The following SPEN variants were observed in gnomAD, a reference collection of about 807,000 sequenced individuals.
SPEN encodes spen family transcriptional repressor.
In SPEN, 18 loss-of-function variants were observed where a neutral mutation model predicts 269.9. That is an observed-to-expected ratio of 0.07 (90% CI 0.05 to 0.10). The LOEUF (loss-of-function observed/expected upper bound fraction) is 0.10, where lower values mean the gene tolerates loss of function less well. Among genes scored for constraint, SPEN ranks in the 10% least tolerant of loss-of-function variants. The probability of loss-of-function intolerance (pLI) is 1.00; values close to 1 mark genes in which losing one functional copy is unlikely to be tolerated. For missense variants in SPEN, 3,822 were observed against 4,631.2 expected (o/e 0.83, Z 5.07); for synonymous variants, 1,726 against 1,765.7 (o/e 0.98, Z 0.56).
chr1:15,864,431 A>C (rs978500121), intron 1 of SPEN, among the ~76,000 whole-genome samples: 2 of 150,118 alleles, frequency 1.3e-5, no homozygotes, highest in Non-Finnish European at 1.5e-5. Context: ...TGGCTTCCCA[A>C]AGTGTTGGGA....
Position 15,933,458 on chromosome 1 carries a change from C to T in SPEN, c.7218C>T (p.Pro2406=). 6.2e-7 allele frequency: 1 copy of T among 1,614,152 alleles called. No individual in the cohort carries two copies. Among genetic ancestry groups the T allele is most frequent in the South Asian group, 1.1e-5 (1 of 91,080 alleles). Residue 2406 remains proline, a synonymous_variant, in exon 11 of 15, where the codon CCC becomes CCT. Transcript: ENST00000375759. The surrounding 1 kb of genome is among the most constrained non-coding windows in gnomAD (Gnocchi z 5.7). ...GTACTTCTGACCTAAGCAAGATTCC[C>T]TCCACAGAGAATTCGTCCCAAGAAA... is the stretch of plus-strand genomic sequence containing the variant. ...QSCTSDLSKI[P]STENSSQEIS...
At position 15,848,097 on chromosome 1, in the gene SPEN, G is replaced by A; in HGVS notation, c.30G>A (p.Val10=). Residue 10 remains valine (V), a synonymous_variant, in exon 1 of 15, where the codon GTG becomes GTA. Coordinates refer to ENST00000375759, the MANE Select transcript of SPEN (RefSeq NM_015001.3). The surrounding 1 kb of genome is among the most constrained non-coding windows in gnomAD (Gnocchi z 5.1). The part of the protein sequence containing the change: MVRETRHLW[V]GNLPENVREE... ...TCCGGGAAACCAGGCATCTCTGGGT[G>A]GGCAACTTACCCGAGAACGTGCGGG... is the stretch of plus-strand genomic sequence containing the variant. 3 of 1,487,696 alleles carry A rather than the reference G, an allele frequency of 2.0e-6. No homozygotes were observed. Among genetic ancestry groups the A allele is most frequent in the South Asian group, 1.3e-5 (1 of 78,308 alleles). The allele number at this position is 1,487,696 out of a possible 1,614,324, so 92.2% of individuals were successfully genotyped here.
chr1:15,917,180 A>G (rs2071074586), intron 6 of SPEN, among the ~76,000 whole-genome samples: 1 of 152,212 alleles, frequency 6.6e-6, no homozygotes, highest in Non-Finnish European at 1.5e-5. Flanking sequence ...CACAGTGCAC[A>G]TCAGAAATAC....
Position 15,933,981 on chromosome 1 carries a change from C to G in SPEN, c.7741C>G (p.Pro2581Ala), listed in dbSNP as rs770779171. Residue 2581 changes from proline to alanine, a missense_variant, in exon 11 of 15, where the codon CCT (proline) becomes GCT (alanine). Coordinates refer to ENST00000375759, the MANE Select transcript of SPEN (RefSeq NM_015001.3). This position sits in a 1 kb window ranked among gnomAD's most constrained non-coding sequence, Gnocchi z 5.7. ...APPPPVDSKKPLEEKTAPPVT... is the reference protein window; with the variant it reads ...APPPPVDSKKALEEKTAPPVT... ...GCCCCCGCCAGTTGACTCTAAAAAG[C>G]CTTTAGAAGAAAAAACAGCACCTCC... 15 of 1,613,862 alleles carry G rather than the reference C, an allele frequency of 9.3e-6. No individual in the cohort carries two copies. The highest frequency in any genetic ancestry group is 6.6e-5 in the South Asian group (6 of 91,078).
In SPEN at chr1:15,922,341, C is replaced by T. The variant is rs761461973; in HGVS notation, c.1842C>T (p.Ala614=). The change falls in exon 10 of 15, where the codon GCC becomes GCT. Residue 614 remains alanine (A), a synonymous_variant. Coordinates refer to ENST00000375759, the MANE Select transcript of SPEN (RefSeq NM_015001.3). ...QDIRDFYEML[A]ERREERRASY... is the part of the protein sequence containing the mutation. ...TCAGAGACTTTTATGAAATGTTAGC[C>T]GAAAGAAGGTATGTATTTTAAACTT... 38 of 1,600,318 alleles carry T rather than the reference C, an allele frequency of 2.4e-5. No homozygotes were observed. The highest frequency in any genetic ancestry group is 1.1e-4 in the Admixed American group (6 of 56,662).
In SPEN at chr1:15,859,267, C is replaced by T. The variant is rs544595199; in HGVS notation, c.83+11117C>T. On this transcript the variant is annotated intron_variant, in intron 1 of 14. Coordinates refer to ENST00000375759, the MANE Select transcript of SPEN (RefSeq NM_015001.3). ...AACTTTTGGCTTCAAGCAATATTTC[C>T]GCCTCAACCTGCCAAGTATGTAGGA... Among the ~76,000 whole-genome samples, 125 of 151,210 alleles carry T rather than the reference C, an allele frequency of 8.3e-4. 1 individual carries two copies. The highest frequency in any genetic ancestry group is 7.5e-3 in the South Asian group (36 of 4,812).
At chr1:15,874,517 T>C in intron 2 of SPEN, 1 of 678,376 alleles carries the variant, frequency 1.5e-6, no homozygotes. Flanking sequence ...AGCCATTAGA[T>C]TTCAGCTCTG....
intron 5 of SPEN, 119 bp downstream of exon 5, chr1:15,911,420 A>G: frequency 1.3e-6 from 1 of 743,274 alleles, no homozygotes; most frequent in Non-Finnish European, 2.3e-6. Context: ...ATTTATTGAC[A>G]TATTTCCATT....
rs764320675 is a variant in SPEN, at chr1:15,876,203, G to A, written c.406G>A (p.Ala136Thr). ...EGRYERRLDG[A>T]SDNRERAYEH... ...TATTTTTCCCCCTCCTAAATGCAGG[G>A]CTTCAGATAACAGGGAGCGTGCTTA... Residue 136 changes from alanine (A) to threonine (T), a missense_variant and splice_region_variant, in exon 3 of 15, where the codon GCT (alanine) becomes ACT (threonine). Ala to Thr is a moderately conservative substitution (Grantham distance 58). Around this residue, in one of 16 missense-constraint regions of SPEN, gnomAD observed 327 missense variants for 350.8 expected, o/e 0.93. Transcript: ENST00000375759. The A allele has an allele frequency of 1.2e-6, 2 of 1,606,946 alleles. No individual in the cohort carries two copies. The highest frequency in any genetic ancestry group is 2.7e-5 in the African/African-American group (2 of 74,732).
intron 3 of SPEN, among the ~76,000 whole-genome samples, chr1:15,891,164 T>C (rs551839465): frequency 2.0e-5 from 3 of 152,256 alleles, no homozygotes; most frequent in African/African-American, 7.2e-5. Flanking sequence ...CACTTAGAGG[T>C]TTAGCACATT....
At chr1:15,901,856 T>G (rs2070904292) in intron 3 of SPEN, among the ~76,000 whole-genome samples, 1 of 151,862 alleles carries the variant, frequency 6.6e-6, no homozygotes, top group South Asian at 2.1e-4. Context: ...AAATTTAAAC[T>G]TTAAAATTTT....
intron 3 of SPEN, among the ~76,000 whole-genome samples, chr1:15,879,020 A>AAAG (rs1397431118): frequency 4.7e-5 from 7 of 150,310 alleles, no homozygotes; most frequent in Non-Finnish European, 3.0e-5. Context: ...AAAAAAAAAA[A>AAAG]AAAAGAAAAG....
intron 1 of SPEN, among the ~76,000 whole-genome samples, chr1:15,859,057 T>G (rs2070415061): frequency 6.6e-6 from 1 of 152,220 alleles, no homozygotes; most frequent in Non-Finnish European, 1.5e-5. Context: ...GCTATGTTCT[T>G]CAGTCAAACA....
intron 3 of SPEN, among the ~76,000 whole-genome samples, chr1:15,882,631 G>A (rs1453363190): frequency 6.6e-6 from 1 of 152,202 alleles, no homozygotes; most frequent in Non-Finnish European, 1.5e-5. Flanking sequence ...CTGCACTCCA[G>A]CCTGGGCAAC....
chr1:15,891,051 A>C (rs1242219026), intron 3 of SPEN, among the ~76,000 whole-genome samples: 1 of 152,202 alleles, frequency 6.6e-6, no homozygotes, highest in Non-Finnish European at 1.5e-5. Flanking sequence ...AAACCAGCAT[A>C]TCATCCTTCA....
Position 15,856,097 on chromosome 1 carries a change from A to G in SPEN, c.83+7947A>G, listed in dbSNP as rs559913849. ...AAGCTCCACCTCCTGGGTTCACACC[A>G]TTCTGCGTCAGCCTCCCAAATAGCT... is the stretch of plus-strand genomic sequence containing the variant. On this transcript the variant is annotated intron_variant, in intron 1 of 14. Coordinates refer to ENST00000375759, the MANE Select transcript of SPEN (RefSeq NM_015001.3). Among the ~76,000 whole-genome samples the G allele has an allele frequency of 5.7e-5, 8 of 140,310 alleles. No individual in the cohort carries two copies. The South Asian group carries it at 1.9e-3, about 33-fold the overall frequency. The allele number at this position is 140,310 out of a possible 152,430, so 92.0% of individuals were successfully genotyped here.
chr1:15,904,996 C>T (rs1183378861), intron 3 of SPEN, among the ~76,000 whole-genome samples: 1 of 149,904 alleles, frequency 6.7e-6, no homozygotes, highest in African/African-American at 2.5e-5. Flanking sequence ...TCAAGTGATT[C>T]TCCTGCTTCA....
At chr1:15,859,976 A>T (rs2070427761) in intron 1 of SPEN, among the ~76,000 whole-genome samples, 1 of 117,010 alleles carries the variant, frequency 8.5e-6, no homozygotes, top group Non-Finnish European at 1.6e-5. Context: ...CAGTGGTGCG[A>T]TCTCAGCTCA....
chr1:15,850,817 G>T (rs1439889457), intron 1 of SPEN, among the ~76,000 whole-genome samples: 1 of 152,180 alleles, frequency 6.6e-6, no homozygotes. Flanking sequence ...TTCACTTCTG[G>T]TGTCTTGTAC....
Sources: gnomAD v4.1 joint callset for allele counts (sites outside exome capture counted in the v4.1 genomes callset) on GRCh38, gnomAD v4.1.1 for gene constraint, gnomAD v4.1.1 regional missense constraint, Gnocchi (gnomAD v3.1) non-coding constraint, MANE v1.5 for transcripts, NCBI Gene and HGNC (gene_info 2026-07-23, HGNC 2026-07-21) for gene names.